Variants in ITGA2 observed in about 807,000 individuals in gnomAD.
ITGA2 encodes integrin alpha-2.
Under a neutral mutation model 146.3 loss-of-function variants are expected in ITGA2, and 101 were observed. The observed-to-expected ratio is 0.69, with a 90% CI of 0.59 to 0.81. ITGA2 has a LOEUF of 0.81. ITGA2 is among the 40% of genes least tolerant of loss of function. The pLI, the probability that ITGA2 is intolerant of heterozygous loss-of-function variation, is 0.00. For synonymous variants in ITGA2, 477 were observed against 487.1 expected (o/e 0.98, Z 0.27); for missense variants, 1,281 against 1,402.7 (o/e 0.91, Z 1.39).
rs3212447 is a variant in ITGA2 at position 53,043,540 on chromosome 5, G to T, written c.295+1319G>T. Among the ~76,000 whole-genome samples, 915 of 152,212 alleles carry T rather than the reference G, an allele frequency of 6.0e-3. 6 individuals are homozygous for T. Among genetic ancestry groups the T allele is most frequent in the African/African-American group, 0.021 (876 of 41,532 alleles). On this transcript the variant is annotated intron_variant, in intron 3 of 29. Transcript: ENST00000296585. ...CCACCAGTGTTATGGGGAGAAAATA[G>T]ATAACAAAGAATTTAGGAGTGTGTC...
At chr5:52,994,022 C>T (rs927986490) in intron 1 of ITGA2, among the ~76,000 whole-genome samples, 1 of 152,158 alleles carries the variant, frequency 6.6e-6, no homozygotes, top group African/African-American at 2.4e-5. Context: ...AGGGGAGAAT[C>T]CTAGCACTGC....
intron 25 of ITGA2, among the ~76,000 whole-genome samples, chr5:53,080,827 T>C (rs900643497): frequency 1.5e-4 from 23 of 152,130 alleles, no homozygotes; most frequent in Non-Finnish European, 3.2e-4. Flanking sequence ...GAATTGCAGG[T>C]GGCAGAAATT....
rs1010487815 is a variant in ITGA2 at position 53,075,288 on chromosome 5, G to GA, written c.2812dup (p.Ile938AsnfsTer13). The GA allele has an allele frequency of 6.2e-7, 1 of 1,612,384 alleles. No individual in the cohort carries two copies. Among genetic ancestry groups the GA allele is most frequent in the African/African-American group, 1.3e-5 (1 of 74,812 alleles). ...CAAAATTCCTCTCCTGTATGATGCT[G>GA]AAATTCACTTAACAAGGTAGGTGAA... is the stretch of plus-strand genomic sequence containing the variant. On this transcript the variant is annotated frameshift_variant, in exon 23 of 30. Transcript: ENST00000296585. LOFTEE classifies it high-confidence loss of function.
chr5:53,054,460 A>G (rs1384821577), intron 7 of ITGA2, among the ~76,000 whole-genome samples: 1 of 152,130 alleles, frequency 6.6e-6, no homozygotes, highest in East Asian at 1.9e-4. Context: ...CTGTGTCCCA[A>G]TAATTTTACT....
intron 3 of ITGA2, among the ~76,000 whole-genome samples, chr5:53,043,574 A>G (rs2111890712): frequency 6.6e-6 from 1 of 152,144 alleles, no homozygotes; most frequent in African/African-American, 2.4e-5. Context: ...TCAGTAGTGA[A>G]TGTACAAGGA....
intron 1 of ITGA2, among the ~76,000 whole-genome samples, chr5:53,021,227 C>T (rs137900022): frequency 7.9e-5 from 12 of 152,052 alleles, no homozygotes; most frequent in South Asian, 4.2e-4. Flanking sequence ...TGCATATTCA[C>T]GCCCCTAATC....
At chr5:53,046,710 G>GA (rs1308118023) in intron 4 of ITGA2, among the ~76,000 whole-genome samples, 26 of 150,988 alleles carry the variant, frequency 1.7e-4, no homozygotes, top group Admixed American at 1.6e-3. Flanking sequence ...GGAGGAGAAA[G>GA]AAAAAAAGAA....
intron 10 of ITGA2, among the ~76,000 whole-genome samples, 170 bp from the exon 11 acceptor site, chr5:53,059,704 T>C (rs181787524): frequency 6.6e-6 from 1 of 152,082 alleles, no homozygotes; most frequent in African/African-American, 2.4e-5. Flanking sequence ...GAAGGCTTGT[T>C]CTCTAGCACA....
rs956082381 is a variant in ITGA2 at position 53,090,410 on chromosome 5, C to G, written c.3466-109C>G. The G allele has an allele frequency of 3.6e-5, 32 of 883,512 alleles. No homozygotes were observed. The African/African-American group carries it at 4.8e-4, about 13-fold the overall frequency. The allele number at this position is 883,512 out of a possible 1,614,324, so 54.7% of individuals were successfully genotyped here. A position where few individuals can be genotyped will look rare whatever the true frequency, so the allele number is the denominator to read the frequency against. Reference sequence around the variant, plus strand: ...CAGTCTGCACACCTCCCTTCAGAGCCTCAGGGATTCCCAGAGGTGCATCAG... The same window carrying G: ...CAGTCTGCACACCTCCCTTCAGAGCGTCAGGGATTCCCAGAGGTGCATCAG... On this transcript the variant is annotated intron_variant, in intron 29 of 29. Coordinates refer to ENST00000296585, the MANE Select transcript of ITGA2 (RefSeq NM_002203.4).
intron 1 of ITGA2, among the ~76,000 whole-genome samples, chr5:53,018,499 T>G (rs1385312057): frequency 6.6e-6 from 1 of 151,810 alleles, no homozygotes; most frequent in East Asian, 2.0e-4. Flanking sequence ...TTTCTCCCCC[T>G]TCAGCCCAGC....
At position 53,094,286 on chromosome 5, in the gene ITGA2, A is replaced by C. The variant is rs1467677631; in HGVS notation, c.*3687A>C. 1 of 152,142 alleles carries C rather than the reference A, an allele frequency of 6.6e-6. No individual in the cohort carries two copies. The highest frequency in any genetic ancestry group is 1.5e-5 in the Non-Finnish European group (1 of 68,002). The allele number at this position is 152,142 out of a possible 1,614,324, so 9.4% of individuals were successfully genotyped here. ...TAGAGGTGAATGAGAAACATGGGGGAAAAGTATGAAATAGGTGAAAATCTT... is the reference window on the plus strand; with the variant it reads ...TAGAGGTGAATGAGAAACATGGGGGCAAAGTATGAAATAGGTGAAAATCTT... On this transcript the variant is annotated 3_prime_UTR_variant, in exon 30 of 30. Transcript: ENST00000296585.
intron 7 of ITGA2, among the ~76,000 whole-genome samples, chr5:53,053,093 C>A (rs1206093815): frequency 1.3e-5 from 2 of 152,148 alleles, no homozygotes; most frequent in Non-Finnish European, 2.9e-5. Flanking sequence ...GTCAGTCGAA[C>A]TAAAAATTTG....
chr5:53,012,928 C>T (rs970497638), intron 1 of ITGA2, among the ~76,000 whole-genome samples: 35 of 151,968 alleles, frequency 2.3e-4, no homozygotes, highest in African/African-American at 7.7e-4. Context: ...TTTCCTTTGC[C>T]CACTTTTTAA....
intron 2 of ITGA2, among the ~76,000 whole-genome samples, chr5:53,039,704 C>T (rs1201415974): frequency 3.2e-5 from 4 of 126,930 alleles, no homozygotes; most frequent in Non-Finnish European, 6.3e-5. Flanking sequence ...GGTGCCACTG[C>T]ACTCTAGCCT....
intron 27 of ITGA2, among the ~76,000 whole-genome samples, chr5:53,086,356 A>T (rs903501534): frequency 6.6e-6 from 1 of 152,212 alleles, no homozygotes; most frequent in Non-Finnish European, 1.5e-5. Flanking sequence ...TTAGATAGGA[A>T]ATCTGAAGTT....
intron 7 of ITGA2, among the ~76,000 whole-genome samples, chr5:53,053,422 C>A (rs1419020937): frequency 1.3e-5 from 2 of 152,124 alleles, no homozygotes; most frequent in African/African-American, 4.8e-5. Flanking sequence ...CTGGACACAG[C>A]AAACTGGACT....
intron 1 of ITGA2, among the ~76,000 whole-genome samples, chr5:52,993,078 A>G (rs1012527001): frequency 7.2e-5 from 11 of 152,148 alleles, no homozygotes; most frequent in African/African-American, 2.4e-4. Context: ...TTTGCAACTG[A>G]CCATTATCCA....
In ITGA2 at chr5:52,993,262, G is replaced by C. The variant is rs575121713; in HGVS notation, c.64+3730G>C. ...GGCCGCCCTCTGATAAAGTAACTTT[G>C]CTCCCCTATGGCTTAGCAGTTATAC... is the stretch of plus-strand genomic sequence containing the variant. On this transcript the variant is annotated intron_variant, in intron 1 of 29. Coordinates refer to ENST00000296585, the MANE Select transcript of ITGA2 (RefSeq NM_002203.4). Among the ~76,000 whole-genome samples the C allele has an allele frequency of 3.9e-5, 6 of 152,246 alleles. No homozygotes were observed. The South Asian group carries it at 1.2e-3, about 32-fold the overall frequency.
chr5:53,090,778 A>C lies in ITGA2; in HGVS notation c.*179A>C. On this transcript the variant is annotated 3_prime_UTR_variant, in exon 30 of 30. Coordinates refer to ENST00000296585, the MANE Select transcript of ITGA2 (RefSeq NM_002203.4). ...ATGAAGAAATTGTGGGGGGTGGGGGAGGTGCGGGGGGCAGGTAGGGAAATA... is the reference window on the plus strand; with the variant it reads ...ATGAAGAAATTGTGGGGGGTGGGGGCGGTGCGGGGGGCAGGTAGGGAAATA... 3.0e-5 allele frequency: 4 copies of C among 131,604 alleles called. No individual in the cohort carries two copies. The highest frequency in any genetic ancestry group is 1.2e-4 in the East Asian group (1 of 8,556). The allele number at this position is 131,604 out of a possible 1,614,324, so 8.2% of individuals were successfully genotyped here. A position where few individuals can be genotyped will look rare whatever the true frequency, so the allele number is the denominator to read the frequency against.
Sources: gnomAD v4.1 joint callset for allele counts (sites outside exome capture counted in the v4.1 genomes callset) on GRCh38, gnomAD v4.1.1 for gene constraint, MANE v1.5 for transcripts, NCBI Gene and HGNC (gene_info 2026-07-23, HGNC 2026-07-21) for gene names.